The following PPP1R21 variants were observed in gnomAD, a reference collection of about 807,000 sequenced individuals.
The protein encoded by PPP1R21 is KLRAQ motif containing 1.
A neutral mutation model predicts 112.8 loss-of-function variants in PPP1R21; 85 were observed. The ratio of observed to expected loss-of-function variants is 0.75; its 90% confidence interval spans 0.63 to 0.90. The LOEUF is 0.90. PPP1R21 is among the 40% of genes least tolerant of loss of function. PPP1R21 has a pLI of 0.00. For missense variants in PPP1R21, 1,199 were observed against 901.5 expected (o/e 1.33, Z -4.23); for synonymous variants, 381 against 322.3 (o/e 1.18, Z -1.95).
intron 1 of PPP1R21, among the ~76,000 whole-genome samples, chr2:48,442,641 G>A (rs1240056559): frequency 1.3e-5 from 2 of 152,168 alleles, no homozygotes; most frequent in Non-Finnish European, 2.9e-5. Flanking sequence ...TAGTTCAGTG[G>A]GACTACCGAA....
At chr2:48,505,746 C>T (rs549999169) in intron 18 of PPP1R21, 150 bp downstream of exon 18, 10 of 703,314 alleles carry the variant, frequency 1.4e-5, no homozygotes, top group Admixed American at 6.6e-5. Flanking sequence ...TTTCCACCTT[C>T]GTGTATGGAT....
intron 7 of PPP1R21, among the ~76,000 whole-genome samples, chr2:48,464,559 G>A (rs184674376): frequency 1.3e-5 from 2 of 152,296 alleles, no homozygotes; most frequent in Non-Finnish European, 2.9e-5. Flanking sequence ...GAAAACAGTG[G>A]TATTTTTTGC....
rs553330710 is a variant in PPP1R21, at chr2:48,458,119, C to A, written c.274-7C>A. 5 of 1,588,326 alleles carry A rather than the reference C, an allele frequency of 3.1e-6. No individual in the cohort carries two copies. The highest frequency in any genetic ancestry group is 2.6e-6 in the Non-Finnish European group (3 of 1,157,768). On this transcript the variant is annotated splice_polypyrimidine_tract_variant and splice_region_variant and intron_variant, in intron 3 of 21. Transcript: ENST00000294952. ...GTTATGTGGACATAACTTATTCTTT[C>A]CATCAGAAAAGTGGAGAATCTTCTT... is the stretch of plus-strand genomic sequence containing the variant.
At chr2:48,454,512 G>T in intron 2 of PPP1R21, 83 bp from the exon 3 acceptor site, 1 of 1,492,232 alleles carries the variant, frequency 6.7e-7, no homozygotes, top group Non-Finnish European at 9.1e-7. Context: ...ATTATATTTT[G>T]GTGAAATAGA....
chr2:48,469,567 C>CATATATATAT (rs58651401), intron 9 of PPP1R21, among the ~76,000 whole-genome samples: 29 of 87,112 alleles, frequency 3.3e-4, no homozygotes, highest in African/African-American at 9.8e-4. Flanking sequence ...AGAGAGAGAG[C>CATATATATAT]ATATATATAT....
At chr2:48,491,192 T>C (rs1239351427) in intron 15 of PPP1R21, 22 bp downstream of exon 15, 1 of 1,603,314 alleles carries the variant, frequency 6.2e-7, no homozygotes, top group African/African-American at 1.3e-5. Flanking sequence ...GCTGTTAATA[T>C]TTAAATCAGA....
intron 11 of PPP1R21, among the ~76,000 whole-genome samples, chr2:48,473,212 C>T (rs1187470196): frequency 6.6e-6 from 1 of 151,854 alleles, no homozygotes; most frequent in African/African-American, 2.4e-5. Flanking sequence ...TTAGGAAATA[C>T]TGGGAATCAG....
chr2:48,491,047 C>G lies in PPP1R21; in HGVS notation c.1476C>G (p.Asp492Glu). The change falls in exon 15 of 22, where the codon GAC becomes GAG. Residue 492 changes from aspartate to glutamate, a missense_variant. Physicochemically the swap from Asp to Glu is conservative, Grantham distance 45 (BLOSUM62 2). Transcript: ENST00000294952. ...CATCCTTCTTCAGCAACAATTTGGA[C>G]TACTTCATTGCTTCACTGAGCTATG... The part of the protein sequence containing the change: ...KIASFFSNNL[D>E]YFIASLSYGP... 6.2e-7 allele frequency: 1 copy of G among 1,614,054 alleles called. No individual in the cohort carries two copies. Among genetic ancestry groups the G allele is most frequent in the African/African-American group, 1.3e-5 (1 of 75,016 alleles).
chr2:48,465,695 T>G, intron 9 of PPP1R21, 53 bp downstream of exon 9: 3 of 1,548,014 alleles, frequency 1.9e-6, no homozygotes, highest in Non-Finnish European at 2.6e-6. Flanking sequence ...TAGGGAGATA[T>G]TGTTTGTTTT....
intron 11 of PPP1R21, 186 bp downstream of exon 11, chr2:48,471,553 G>C (rs1250502189): frequency 3.5e-6 from 2 of 568,294 alleles, no homozygotes; most frequent in African/African-American, 3.8e-5. Context: ...TAAGAAAGTT[G>C]AATTATAGTC....
chr2:48,515,166 A>C lies in PPP1R21; in HGVS notation c.*422A>C, dbSNP rs1231958183. 6.4e-6 allele frequency: 1 copy of C among 155,204 alleles called. No individual in the cohort carries two copies. The highest frequency in any genetic ancestry group is 2.5e-5 in the African/African-American group (1 of 40,724). The allele number at this position is 155,204 out of a possible 1,614,324, so 9.6% of individuals were successfully genotyped here. A position where few individuals can be genotyped will look rare whatever the true frequency, so the allele number is the denominator to read the frequency against. On this transcript the variant is annotated 3_prime_UTR_variant, in exon 22 of 22. Coordinates refer to ENST00000294952, the MANE Select transcript of PPP1R21 (RefSeq NM_001135629.3). ...AATTGTCAAACTGTCATTACTTCTTATTATAGTTGAAGGCATTCTCCAGAT... is the reference window on the plus strand; with the variant it reads ...AATTGTCAAACTGTCATTACTTCTTCTTATAGTTGAAGGCATTCTCCAGAT...
Position 48,471,354 on chromosome 2 carries a change from T to A in PPP1R21, c.1075T>A (p.Tyr359Asn). ...ATGTTTTCTTAGGAAGATTCTTCCC[T>A]ATCAGTTAAAAAGGTAGTTACCCCC... ...YICFLRKILP[Y>N]QLKSLEEECE... Residue 359 changes from tyrosine (Y) to asparagine (N), a missense_variant, in exon 11 of 22, where the codon TAT (tyrosine) becomes AAT (asparagine). Physicochemically the swap from Tyr to Asn is moderately radical, Grantham distance 143. Coordinates refer to ENST00000294952, the MANE Select transcript of PPP1R21 (RefSeq NM_001135629.3). The A allele has an allele frequency of 6.2e-7, 1 of 1,608,214 alleles. No individual in the cohort carries two copies. Among genetic ancestry groups the A allele is most frequent in the Non-Finnish European group, 8.5e-7 (1 of 1,178,266 alleles).
rs1244816489 is a variant in PPP1R21 at position 48,469,447 on chromosome 2, G to T, written c.898-1640G>T. On this transcript the variant is annotated intron_variant, in intron 9 of 21. Coordinates refer to ENST00000294952, the MANE Select transcript of PPP1R21 (RefSeq NM_001135629.3). ...TATATAGAGCATATATATATATAGA[G>T]AGAGCATATATATATATAGAGCATA... Among the ~76,000 whole-genome samples, 158 of 84,234 alleles carry T rather than the reference G, an allele frequency of 1.9e-3. 5 individuals carry two copies. Among genetic ancestry groups the T allele is most frequent in the Non-Finnish European group, 2.7e-3 (105 of 38,288 alleles). The allele number at this position is 84,234 out of a possible 152,430, so 55.3% of individuals were successfully genotyped here.
intron 19 of PPP1R21, among the ~76,000 whole-genome samples, chr2:48,508,138 A>G (rs1458779469): frequency 6.6e-6 from 1 of 152,102 alleles, no homozygotes; most frequent in Admixed American, 6.6e-5. Flanking sequence ...TACACAATTC[A>G]TAGAATTAAG....
intron 1 of PPP1R21, 79 bp downstream of exon 1, chr2:48,441,089 A>T (rs1187948564): frequency 3.0e-6 from 3 of 1,012,606 alleles, no homozygotes. Flanking sequence ...GTCGGGACCT[A>T]GGGGTACTGC....
intron 14 of PPP1R21, among the ~76,000 whole-genome samples, chr2:48,488,243 T>TC (rs1669398584): frequency 6.6e-6 from 1 of 152,228 alleles, no homozygotes; most frequent in African/African-American, 2.4e-5. Flanking sequence ...CCCCACTGCC[T>TC]CCCCTTTCAC....
chr2:48,470,940 C>G, intron 9 of PPP1R21, 147 bp from the exon 10 acceptor site: 1 of 594,316 alleles, frequency 1.7e-6, no homozygotes, highest in Non-Finnish European at 3.0e-6. Context: ...TAAAAGTTTC[C>G]AAAACTTGAG....
chr2:48,482,328 A>T (rs892931409), intron 13 of PPP1R21, among the ~76,000 whole-genome samples: 8 of 152,204 alleles, frequency 5.3e-5, no homozygotes. Context: ...AGGGTGATTT[A>T]TTGGGGTATC....
At chr2:48,464,319 G>A (rs1051824916) in intron 7 of PPP1R21, among the ~76,000 whole-genome samples, 2 of 152,166 alleles carry the variant, frequency 1.3e-5, no homozygotes, top group Admixed American at 6.5e-5. Flanking sequence ...GCAGAGAAGG[G>A]CAGGTTTGAG....
Sources: gnomAD v4.1 joint callset for allele counts (sites outside exome capture counted in the v4.1 genomes callset) on GRCh38, gnomAD v4.1.1 for gene constraint, MANE v1.5 for transcripts, NCBI Gene and HGNC (gene_info 2026-07-23, HGNC 2026-07-21) for gene names.